MIIP: variants seen among roughly 807,000 people sequenced by gnomAD.
MIIP encodes migration and invasion inhibitory protein.
In MIIP, 44 loss-of-function variants were observed where a neutral mutation model predicts 44.8. The ratio of observed to expected loss-of-function variants is 0.98; its 90% CI spans 0.77 to 1.26. The LOEUF (loss-of-function observed/expected upper bound fraction) is 1.26, where lower values mean the gene tolerates loss of function less well. MIIP is among the 50% of genes most tolerant of loss of function. MIIP has a pLI of 0.00. For missense variants in MIIP, 496 were observed against 511.7 expected (o/e 0.97, Z 0.30); for synonymous variants, 225 against 218.3 (o/e 1.03, Z -0.27).
At chr1:12,031,538 C>T (rs1006692312) in intron 9 of MIIP, 135 bp downstream of exon 9, 2 of 1,566,716 alleles carry the variant, frequency 1.3e-6, no homozygotes, top group African/African-American at 2.7e-5. Context: ...TGTCTCTCTG[C>T]AGGGTCCAGC....
intron 4 of MIIP, among the ~76,000 whole-genome samples, chr1:12,025,345 C>A (rs570203101): frequency 6.6e-6 from 1 of 152,044 alleles, no homozygotes; most frequent in Admixed American, 6.5e-5. Flanking sequence ...CAGGTGTGAG[C>A]CGCTGTGCCT....
chr1:12,025,718 A>G (rs1243983875), intron 4 of MIIP, among the ~76,000 whole-genome samples: 2 of 151,524 alleles, frequency 1.3e-5, no homozygotes, highest in Non-Finnish European at 2.9e-5. Flanking sequence ...CTCCTTTTTT[A>G]TTTTTATTTG....
At chr1:12,029,345 G>A in intron 6 of MIIP, 64 bp downstream of exon 6, 3 of 1,518,230 alleles carry the variant, frequency 2.0e-6, no homozygotes, top group South Asian at 2.4e-5. Context: ...GGCCTCCCCT[G>A]CCCCAGAGCA....
rs1286487181 is a variant in MIIP, at chr1:12,029,388, C to A, written c.715+107C>A. 7.9e-6 allele frequency: 10 copies of A among 1,262,950 alleles called. No individual in the cohort carries two copies. The East Asian group carries it at 2.5e-4, about 32-fold the overall frequency. 78.2% of individuals were successfully genotyped at this position (1,262,950 alleles called of 1,614,324 possible). A position where few individuals can be genotyped will look rare whatever the true frequency, so the allele number is the denominator to read the frequency against. On this transcript the variant is annotated intron_variant, in intron 6 of 9. Transcript: ENST00000235332. ...TTGAGGTTTGGGGCCTGGGGAGGCC[C>A]CTGAGATGTTGAGACTCATGGAGGG...
chr1:12,020,572 A>G (rs535223586), intron 1 of MIIP, among the ~76,000 whole-genome samples: 1 of 152,216 alleles, frequency 6.6e-6, no homozygotes, highest in South Asian at 2.1e-4. Context: ...CAGTAGTGTG[A>G]TCTCCACTCA....
chr1:12,022,799 C>T, intron 3 of MIIP, 34 bp from the exon 4 acceptor site: 2 of 1,545,376 alleles, frequency 1.3e-6, no homozygotes, highest in African/African-American at 1.4e-5. Context: ...GGCCTCTTGG[C>T]TTAGTCCTTG....
intron 8 of MIIP, among the ~76,000 whole-genome samples, chr1:12,030,689 C>T (rs1369022847): frequency 4.1e-5 from 6 of 145,578 alleles, no homozygotes; most frequent in East Asian, 2.1e-4. Context: ...GTGGGAGGAT[C>T]GCTTGAACCT....
chr1:12,029,002 C>T (rs1247724929), intron 4 of MIIP, 31 bp from the exon 5 acceptor site: 12 of 1,574,830 alleles, frequency 7.6e-6, no homozygotes, highest in East Asian at 4.5e-5. Flanking sequence ...GCCCCTCTCC[C>T]GTCAGCTGCC....
chr1:12,022,959 G>A, intron 4 of MIIP, 42 bp downstream of exon 4: 1 of 1,494,410 alleles, frequency 6.7e-7, no homozygotes, highest in Non-Finnish European at 9.2e-7. Context: ...GCCTGGGAGT[G>A]GGAGGTGGAG....
Position 12,029,066 on chromosome 1 carries a change from A to G in MIIP, c.581A>G (p.Gln194Arg). 6.2e-7 allele frequency: 1 copy of G among 1,614,150 alleles called. No homozygotes were observed. Among genetic ancestry groups the G allele is most frequent in the Non-Finnish European group, 8.5e-7 (1 of 1,180,008 alleles). ...SLDTSSSITSQPEAFFSKLQE... is the reference protein window; with the variant it reads ...SLDTSSSITSRPEAFFSKLQE... Reference sequence around the variant, plus strand: ...GACACCAGCTCTTCCATCACCAGCCAGCCTGAGGCCTTCTTCTCCAAGCTG... The same window carrying G: ...GACACCAGCTCTTCCATCACCAGCCGGCCTGAGGCCTTCTTCTCCAAGCTG... The change falls in exon 5 of 10, where the codon CAG becomes CGG. Residue 194 changes from glutamine (Q) to arginine (R), a missense_variant. Coordinates refer to ENST00000235332, the MANE Select transcript of MIIP (RefSeq NM_021933.4).
intron 1 of MIIP, among the ~76,000 whole-genome samples, chr1:12,021,196 C>T (rs1445459595): frequency 6.6e-6 from 1 of 151,852 alleles, no homozygotes; most frequent in South Asian, 2.1e-4. Flanking sequence ...AGATCGAGAC[C>T]ATCCTGGCTA....
chr1:12,025,311 C>T (rs563449348), intron 4 of MIIP, among the ~76,000 whole-genome samples: 6 of 152,034 alleles, frequency 3.9e-5, no homozygotes, highest in South Asian at 2.1e-4. Flanking sequence ...TCTCCTGCCT[C>T]GGCCTCCCAA....
At position 12,021,743 on chromosome 1, in the gene MIIP, A is replaced by G. The variant is rs372314672; in HGVS notation, c.17A>G (p.Glu6Gly). 3 of 1,612,432 alleles carry G rather than the reference A, an allele frequency of 1.9e-6. No homozygotes were observed. Among genetic ancestry groups the G allele is most frequent in the Non-Finnish European group, 2.5e-6 (3 of 1,179,778 alleles). ...AGGCCCAGGATGGTGGAGGCTGAGGAACTGGCACAGCTGCGGCTGCTCAAT... is the reference window on the plus strand; with the variant it reads ...AGGCCCAGGATGGTGGAGGCTGAGGGACTGGCACAGCTGCGGCTGCTCAAT... MVEAE[E>G]LAQLRLLNLE... The change falls in exon 2 of 10, where the codon GAA becomes GGA. Residue 6 changes from glutamate (E) to glycine (G), a missense_variant. Transcript: ENST00000235332.
At chr1:12,030,777 A>C (rs2100909514) in intron 8 of MIIP, among the ~76,000 whole-genome samples, 1 of 150,634 alleles carries the variant, frequency 6.6e-6, no homozygotes, top group Non-Finnish European at 1.5e-5. Flanking sequence ...TCCATCTCAA[A>C]AAAAAAAAAA....
At chr1:12,030,286 A>G (rs1483117361) in intron 8 of MIIP, among the ~76,000 whole-genome samples, 162 bp downstream of exon 8, 1 of 152,096 alleles carries the variant, frequency 6.6e-6, no homozygotes, top group Non-Finnish European at 1.5e-5. Context: ...ACCTGTACCT[A>G]AGGGAGGTAG....
chr1:12,029,327 G>T (rs1288251995), intron 6 of MIIP, 46 bp downstream of exon 6: 2 of 1,574,554 alleles, frequency 1.3e-6, no homozygotes, highest in African/African-American at 1.4e-5. Context: ...CCAGCCTCGC[G>T]CTGCCCTGGC....
intron 4 of MIIP, among the ~76,000 whole-genome samples, chr1:12,028,523 C>G (rs1014430205): frequency 2.6e-5 from 4 of 152,148 alleles, no homozygotes; most frequent in Non-Finnish European, 5.9e-5. Context: ...CTGCGATGTC[C>G]TTCCTGGGAG....
At chr1:12,030,502 C>T (rs991738487) in intron 8 of MIIP, among the ~76,000 whole-genome samples, 7 of 146,190 alleles carry the variant, frequency 4.8e-5, no homozygotes, top group African/African-American at 1.7e-4. Context: ...GAGGGGGAGG[C>T]GCCTTGGTGG....
intron 8 of MIIP, 110 bp from the exon 9 acceptor site, chr1:12,031,156 G>C: frequency 7.3e-7 from 1 of 1,362,182 alleles, no homozygotes; most frequent in Non-Finnish European, 9.9e-7. Flanking sequence ...CCCTGCCTTG[G>C]TGGGGGCCTC....
Sources: allele counts gnomAD v4.1 joint callset (sites outside exome capture counted in the v4.1 genomes callset), GRCh38; gene constraint gnomAD v4.1.1; transcripts MANE v1.5; gene names NCBI Gene and HGNC (gene_info 2026-07-23, HGNC 2026-07-21).